DNAJC10: variants seen among roughly 807,000 people sequenced by gnomAD.
The protein encoded by DNAJC10 is DnaJ heat shock protein family (Hsp40) member C10.
Under a neutral mutation model 115.0 loss-of-function variants are expected in DNAJC10, and 101 were observed. That is an observed-to-expected ratio of 0.88 (90% CI 0.75 to 1.04). The LOEUF (loss-of-function observed/expected upper bound fraction) is 1.04. DNAJC10 is among the 50% of genes least tolerant of loss of function. The pLI, the probability that DNAJC10 is intolerant of heterozygous loss-of-function variation, is 0.00. For missense variants in DNAJC10, 981 were observed against 928.8 expected (o/e 1.06, Z -0.73); for synonymous variants, 307 against 301.5 (o/e 1.02, Z -0.19).
intron 4 of DNAJC10, among the ~76,000 whole-genome samples, chr2:182,720,817 T>C (rs1693131732): frequency 6.6e-6 from 1 of 152,170 alleles, no homozygotes; most frequent in African/African-American, 2.4e-5. Context: ...TAGAGCATCA[T>C]ATTGTCCAAG....
chr2:182,768,794 A>C (rs1694481709), intron 22 of DNAJC10, among the ~76,000 whole-genome samples: 1 of 152,180 alleles, frequency 6.6e-6, no homozygotes, highest in South Asian at 2.1e-4. Context: ...ATTAGAGTGG[A>C]ATGAGTTCGG....
In DNAJC10 at chr2:182,752,060, T is replaced by C; in HGVS notation, c.1435-12T>C. ...TTTGGCTCGGTGCTTATGAATATTT[T>C]TTCTTTCCTAGTGGTGTCCACCATG... On this transcript the variant is annotated splice_polypyrimidine_tract_variant and intron_variant, in intron 15 of 23. Coordinates refer to ENST00000264065, the MANE Select transcript of DNAJC10 (RefSeq NM_018981.4). The C allele has an allele frequency of 6.3e-7, 1 of 1,594,124 alleles. No individual in the cohort carries two copies. The highest frequency in any genetic ancestry group is 8.6e-7 in the Non-Finnish European group (1 of 1,165,614).
Position 182,789,690 on chromosome 2 carries a change from A to G in DNAJC10, c.*12558A>G, listed in dbSNP as rs1474213869. ...CTGCTTTCAGTTCTTTCAGCTATAT[A>G]CCTAGAAGTGTAAGTCTATATCATA... is the stretch of plus-strand genomic sequence containing the variant. On this transcript the variant is annotated 3_prime_UTR_variant, in exon 24 of 24. Coordinates refer to ENST00000264065, the MANE Select transcript of DNAJC10 (RefSeq NM_018981.4). 6.6e-6 allele frequency: 1 copy of G among 152,194 alleles called. No individual in the cohort carries two copies. The highest frequency in any genetic ancestry group is 1.5e-5 in the Non-Finnish European group (1 of 68,050). The allele number at this position is 152,194 out of a possible 1,614,324, so 9.4% of individuals were successfully genotyped here.
At chr2:182,741,919 TC>T (rs1693747439) in intron 13 of DNAJC10, among the ~76,000 whole-genome samples, 1 of 152,074 alleles carries the variant, frequency 6.6e-6, no homozygotes, top group South Asian at 2.1e-4. Context: ...CAAAATGGAT[TC>T]ACTGTATGCT....
intron 22 of DNAJC10, among the ~76,000 whole-genome samples, chr2:182,765,008 T>TG: frequency 6.6e-6 from 1 of 152,134 alleles, no homozygotes; most frequent in East Asian, 1.9e-4. Flanking sequence ...GCAGGCTGTT[T>TG]GCATGGCGAC....
intron 21 of DNAJC10, among the ~76,000 whole-genome samples, chr2:182,761,878 G>A (rs1694293763): frequency 6.6e-6 from 1 of 151,960 alleles, no homozygotes; most frequent in Non-Finnish European, 1.5e-5. Flanking sequence ...TAACTTGAGG[G>A]GCAGGTAAAG....
At chr2:182,730,090 C>T (rs918575768) in intron 8 of DNAJC10, 149 bp downstream of exon 8, 1 of 554,130 alleles carries the variant, frequency 1.8e-6, no homozygotes, top group Non-Finnish European at 3.2e-6. Flanking sequence ...GTCATTTACT[C>T]TGAACTCTGC....
intron 22 of DNAJC10, among the ~76,000 whole-genome samples, chr2:182,763,674 C>T (rs6761415): frequency 0.43 from 65,982 of 151,814 alleles, 16,814 homozygotes; most frequent in Non-Finnish European, 0.57. Context: ...ACACACAGTG[C>T]CTCAGTATTT....
At chr2:182,721,718 G>A (rs1693154191) in intron 4 of DNAJC10, among the ~76,000 whole-genome samples, 1 of 152,012 alleles carries the variant, frequency 6.6e-6, no homozygotes, top group African/African-American at 2.4e-5. Flanking sequence ...GCACCTTCCT[G>A]AATCTGTAAT....
chr2:182,720,780 A>G (rs577190470), intron 4 of DNAJC10, among the ~76,000 whole-genome samples: 50 of 152,280 alleles, frequency 3.3e-4, no homozygotes, highest in African/African-American at 1.2e-3. Flanking sequence ...TTAGTATTGA[A>G]TAATATTAAT....
intron 21 of DNAJC10, among the ~76,000 whole-genome samples, 194 bp downstream of exon 21, chr2:182,759,501 C>G (rs577162005): frequency 6.6e-6 from 1 of 152,060 alleles, no homozygotes; most frequent in Non-Finnish European, 1.5e-5. Context: ...TAGCTAACAT[C>G]TTCTCTATCT....
In DNAJC10 at chr2:182,729,873, G is replaced by C. The variant is rs762726984; in HGVS notation, c.659G>C (p.Arg220Thr). 6.2e-7 allele frequency: 1 copy of C among 1,610,724 alleles called. No individual in the cohort carries two copies. The highest frequency in any genetic ancestry group is 1.7e-5 in the Admixed American group (1 of 59,432). Residue 220 changes from arginine (R) to threonine (T), a missense_variant, in exon 8 of 24, where the codon AGA becomes ACA. Coordinates refer to ENST00000264065, the MANE Select transcript of DNAJC10 (RefSeq NM_018981.4). ...GCCCCAGTGAAATATCATGGAGACA[G>C]ATCAAAGGAGAGTTTAGTGAGTTTT... ...GMAPVKYHGD[R>T]SKESLVSFAM...
intron 4 of DNAJC10, 76 bp from the exon 5 acceptor site, chr2:182,721,949 C>T (rs540146151): frequency 2.1e-5 from 17 of 795,836 alleles, no homozygotes; most frequent in South Asian, 5.7e-5. Context: ...ATGATTAAAA[C>T]GAGTAATCTA....
At chr2:182,756,748 G>A (rs1029511186) in intron 18 of DNAJC10, among the ~76,000 whole-genome samples, 8 of 151,744 alleles carry the variant, frequency 5.3e-5, no homozygotes, top group African/African-American at 1.2e-4. Flanking sequence ...TCGGCTCACC[G>A]CAACCTCAAC....
chr2:182,756,341 C>T lies in DNAJC10; in HGVS notation c.1681C>T (p.Leu561Phe). The change falls in exon 18 of 24, where the codon CTT (leucine) becomes TTT (phenylalanine). Residue 561 changes from leucine (L) to phenylalanine (F), a missense_variant. Physicochemically the swap from Leu to Phe is conservative, Grantham distance 22 (BLOSUM62 0). Coordinates refer to ENST00000264065, the MANE Select transcript of DNAJC10 (RefSeq NM_018981.4). ...EDLMNPSVVS[L>F]TPTTFNELVT... ...TCTTATGAATCCTTCAGTGGTCTCC[C>T]TTACACCCACCACCTTCAACGAACT... 1 of 1,613,826 alleles carries T rather than the reference C, an allele frequency of 6.2e-7. No homozygotes were observed. Among genetic ancestry groups the T allele is most frequent in the Non-Finnish European group, 8.5e-7 (1 of 1,179,794 alleles).
intron 5 of DNAJC10, 111 bp from the exon 6 acceptor site, chr2:182,728,465 G>A (rs1574921549): frequency 1.6e-6 from 1 of 625,482 alleles, no homozygotes; most frequent in East Asian, 2.9e-5. Flanking sequence ...AAGACAATAT[G>A]AAAATTGCAT....
chr2:182,718,847 C>T (rs975531307), intron 3 of DNAJC10, among the ~76,000 whole-genome samples: 3 of 151,930 alleles, frequency 2.0e-5, no homozygotes, highest in Non-Finnish European at 2.9e-5. Flanking sequence ...CAAAACTAAA[C>T]TCATTTTAAT....
rs781700552 is a variant in DNAJC10, at chr2:182,754,995, C to G, written c.1552-8C>G. On this transcript the variant is annotated splice_region_variant and splice_polypyrimidine_tract_variant and intron_variant, in intron 16 of 23. Transcript: ENST00000264065. Reference sequence around the variant, plus strand: ...AAAATCTTTAATTCATATTCTCCTTCCTATCAGTATAACATTCAGGCTTAT... The same window carrying G: ...AAAATCTTTAATTCATATTCTCCTTGCTATCAGTATAACATTCAGGCTTAT... The G allele has an allele frequency of 2.5e-5, 39 of 1,542,990 alleles. No individual in the cohort carries two copies. Among genetic ancestry groups the G allele is most frequent in the Non-Finnish European group, 3.4e-5 (38 of 1,117,026 alleles).
At chr2:182,721,054 A>G (rs1693138363) in intron 4 of DNAJC10, among the ~76,000 whole-genome samples, 1 of 152,152 alleles carries the variant, frequency 6.6e-6, no homozygotes, top group Non-Finnish European at 1.5e-5. Context: ...AAAGGAACTA[A>G]GGAAGAGAGA....
Sources: allele counts gnomAD v4.1 joint callset (sites outside exome capture counted in the v4.1 genomes callset), GRCh38; gene constraint gnomAD v4.1.1; transcripts MANE v1.5; gene names NCBI Gene and HGNC (gene_info 2026-07-23, HGNC 2026-07-21).